CSRNP3: variants seen among roughly 807,000 people sequenced by gnomAD.
CSRNP3 encodes the protein cysteine and serine rich nuclear protein 3, also known as cysteine/serine-rich nuclear protein 3.
A neutral mutation model predicts 48.0 loss-of-function variants in CSRNP3; 12 were observed. That is an observed-to-expected ratio of 0.25 (90% CI 0.16 to 0.41). The LOEUF is 0.41. Ranked by LOEUF, CSRNP3 falls within the 10% of genes least tolerant of loss-of-function variation. The probability of loss-of-function intolerance (pLI) is 1.00; values close to 1 mark genes in which losing one functional copy is unlikely to be tolerated. For missense variants in CSRNP3, 580 were observed against 724.4 expected (o/e 0.80, Z 2.29); for synonymous variants, 263 against 269.7 (o/e 0.98, Z 0.24).
intron 3 of CSRNP3, among the ~76,000 whole-genome samples, chr2:165,530,869 C>CA: frequency 6.6e-6 from 1 of 150,558 alleles, no homozygotes; most frequent in African/African-American, 2.4e-5. Flanking sequence ...CTTTAAAAAT[C>CA]AAAAGAAGAA....
At position 165,684,519 on chromosome 2, in the gene CSRNP3, G is replaced by T. The variant is rs938179831; in HGVS notation, c.*4766G>T. ...CTGTAATTTTAAATTAGAACTGTTG[G>T]TTGTATTCTTACCACAACCAAAACC... On this transcript the variant is annotated 3_prime_UTR_variant, in exon 7 of 7. Coordinates refer to ENST00000651982, the MANE Select transcript of CSRNP3 (RefSeq NM_001172173.2). 6.6e-6 allele frequency: 1 copy of T among 152,042 alleles called. No homozygotes were observed. Among genetic ancestry groups the T allele is most frequent in the South Asian group, 2.1e-4 (1 of 4,820 alleles). 9.4% of individuals were successfully genotyped at this position (152,042 alleles called of 1,614,324 possible).
chr2:165,537,498 G>A (rs1460131574), intron 3 of CSRNP3, among the ~76,000 whole-genome samples: 1 of 150,164 alleles, frequency 6.7e-6, no homozygotes, highest in African/African-American at 2.5e-5. Context: ...TCAAAGAAAA[G>A]GTTTTATTAT....
In CSRNP3 at chr2:165,610,965, A is replaced by C. The variant is rs534398332; in HGVS notation, c.148+15752A>C. 9.8e-4 allele frequency among the ~76,000 whole-genome samples: 150 copies of C among 152,302 alleles called. 1 individual carries two copies. Among genetic ancestry groups the C allele is most frequent in the African/African-American group, 3.4e-3 (141 of 41,564 alleles). ...CCTCTGAACTCTAGGCACTATCAGA[A>C]CATCAATAAAGCATGAATTTTGAGT... On this transcript the variant is annotated intron_variant, in intron 4 of 6. Transcript: ENST00000651982.
intron 3 of CSRNP3, among the ~76,000 whole-genome samples, chr2:165,548,813 CGAT>C (rs1685062938): frequency 6.6e-6 from 1 of 151,788 alleles, no homozygotes; most frequent in Admixed American, 6.6e-5. Context: ...GTTGTGGACT[CGAT>C]AGTCTTTAAA....
At chr2:165,525,319 G>A (rs1374581915) in intron 3 of CSRNP3, among the ~76,000 whole-genome samples, 3 of 152,024 alleles carry the variant, frequency 2.0e-5, no homozygotes, top group Non-Finnish European at 4.4e-5. Flanking sequence ...TAAAAATCCT[G>A]TAGGAAATAG....
At chr2:165,555,855 C>A (rs775985634) in intron 3 of CSRNP3, among the ~76,000 whole-genome samples, 2 of 145,862 alleles carry the variant, frequency 1.4e-5, no homozygotes, top group Non-Finnish European at 1.5e-5. Flanking sequence ...TATTCAGCTT[C>A]TATTATTGGG....
chr2:165,651,393 A>G (rs1325674021), intron 4 of CSRNP3, among the ~76,000 whole-genome samples: 1 of 152,184 alleles, frequency 6.6e-6, no homozygotes, highest in Non-Finnish European at 1.5e-5. Context: ...CCTAGTGTGA[A>G]TCAGCTGTGA....
At chr2:165,624,847 G>A (rs1426646804) in intron 4 of CSRNP3, among the ~76,000 whole-genome samples, 4 of 152,092 alleles carry the variant, frequency 2.6e-5, no homozygotes, top group Admixed American at 6.5e-5. Flanking sequence ...CTCTACAACC[G>A]GTGAGATGGG....
In CSRNP3 at chr2:165,517,926, T is replaced by A. The variant is rs1684602115; in HGVS notation, c.-59T>A. 6.6e-6 allele frequency: 1 copy of A among 152,348 alleles called. No homozygotes were observed. Among genetic ancestry groups the A allele is most frequent in the Non-Finnish European group, 1.5e-5 (1 of 67,818 alleles). 9.4% of individuals were successfully genotyped at this position (152,348 alleles called of 1,614,324 possible). A position where few individuals can be genotyped will look rare whatever the true frequency, so the allele number is the denominator to read the frequency against. ...AAAATATGTTTTCAGAGGCATAGAA[T>A]CTTCAGGAAAATACTGGAGTTCCTG... On this transcript the variant is annotated 5_prime_UTR_variant, in exon 3 of 7. Coordinates refer to ENST00000651982, the MANE Select transcript of CSRNP3 (RefSeq NM_001172173.2).
At chr2:165,633,159 G>C (rs879691162) in intron 4 of CSRNP3, among the ~76,000 whole-genome samples, 8 of 152,124 alleles carry the variant, frequency 5.3e-5, no homozygotes, top group Admixed American at 2.0e-4. Context: ...ACCGATTTAA[G>C]AGACTTAAGT....
At chr2:165,510,526 G>A (rs1444958942) in intron 2 of CSRNP3, among the ~76,000 whole-genome samples, 1 of 151,804 alleles carries the variant, frequency 6.6e-6, no homozygotes, top group Non-Finnish European at 1.5e-5. Flanking sequence ...CTTACTTTCT[G>A]GTATTTACAC....
At chr2:165,593,412 A>C (rs898223456) in intron 3 of CSRNP3, among the ~76,000 whole-genome samples, 1 of 152,194 alleles carries the variant, frequency 6.6e-6, no homozygotes, top group Non-Finnish European at 1.5e-5. Context: ...GCTGGGCCCT[A>C]CTTCCTGGGA....
At chr2:165,611,062 C>T (rs1358115496) in intron 4 of CSRNP3, among the ~76,000 whole-genome samples, 1 of 151,784 alleles carries the variant, frequency 6.6e-6, no homozygotes, top group Non-Finnish European at 1.5e-5. Flanking sequence ...TTATCAAGGA[C>T]AATTTGCTAG....
chr2:165,545,449 G>A (rs1685012512), intron 3 of CSRNP3, among the ~76,000 whole-genome samples: 1 of 152,118 alleles, frequency 6.6e-6, no homozygotes, highest in African/African-American at 2.4e-5. Flanking sequence ...AGTTAGGATT[G>A]GATTTGGCAC....
chr2:165,583,430 G>A (rs1158291003), intron 3 of CSRNP3, among the ~76,000 whole-genome samples: 1 of 152,140 alleles, frequency 6.6e-6, no homozygotes, highest in Non-Finnish European at 1.5e-5. Flanking sequence ...AAAATATTAT[G>A]CATTGTAGTT....
intron 4 of CSRNP3, among the ~76,000 whole-genome samples, chr2:165,631,301 A>G (rs955964572): frequency 1.3e-5 from 2 of 152,176 alleles, no homozygotes; most frequent in Non-Finnish European, 2.9e-5. Flanking sequence ...CCTGTAAATT[A>G]CAAGGGGCAG....
chr2:165,688,378 T>C lies in CSRNP3; in HGVS notation c.*8625T>C, dbSNP rs1465058971. 2 of 152,174 alleles carry C rather than the reference T, an allele frequency of 1.3e-5. No individual in the cohort carries two copies. Among genetic ancestry groups the C allele is most frequent in the Admixed American group, 1.3e-4 (2 of 15,256 alleles). 9.4% of individuals were successfully genotyped at this position (152,174 alleles called of 1,614,324 possible). On this transcript the variant is annotated 3_prime_UTR_variant, in exon 7 of 7. Transcript: ENST00000651982. ...CTTAAGATAGAACTTTTAATACATA[T>C]GTACTGGTTAATGCCTGTTTACGCA...
intron 2 of CSRNP3, among the ~76,000 whole-genome samples, chr2:165,517,464 G>A (rs17249356): frequency 0.18 from 26,735 of 151,738 alleles, 2,546 homozygotes; most frequent in Non-Finnish European, 0.2. Flanking sequence ...TTTATTGACT[G>A]TCAAAAGCTA....
At chr2:165,634,468 C>T (rs759035765) in intron 4 of CSRNP3, among the ~76,000 whole-genome samples, 3 of 152,092 alleles carry the variant, frequency 2.0e-5, no homozygotes, top group Non-Finnish European at 4.4e-5. Flanking sequence ...ATAAGACCGG[C>T]GAAGGGCCCT....
Sources: gnomAD v4.1 joint callset for allele counts (sites outside exome capture counted in the v4.1 genomes callset) on GRCh38, gnomAD v4.1.1 for gene constraint, MANE v1.5 for transcripts, NCBI Gene and HGNC (gene_info 2026-07-23, HGNC 2026-07-21) for gene names.